The following MYMX variants were observed in gnomAD, a reference collection of about 807,000 sequenced individuals.
The protein encoded by MYMX is myomixer, myoblast fusion factor.
At chr6:44,192,853 A>C in the MYMX span, among the ~76,000 whole-genome samples, 47 of 152,110 alleles carry the variant, frequency 3.1e-4, no homozygotes, top group Admixed American at 5.9e-4. Context: ...TACTGACCAT[A>C]TCTTGAGAGC....
the MYMX span, among the ~76,000 whole-genome samples, chr6:44,200,581 C>T: frequency 6.6e-5 from 10 of 152,172 alleles, no homozygotes; most frequent in African/African-American, 2.2e-4. Context: ...TCCCAAAGTG[C>T]TGGGATTACA....
chr6:44,205,436 A>G, the MYMX span, among the ~76,000 whole-genome samples: 1 of 152,100 alleles, frequency 6.6e-6, no homozygotes, highest in African/African-American at 2.4e-5. Context: ...AGGATGGTGG[A>G]TCGCTTGAAC....
chr6:44,207,432 C>T, the MYMX span, among the ~76,000 whole-genome samples: 1 of 152,210 alleles, frequency 6.6e-6, no homozygotes, highest in East Asian at 1.9e-4. Flanking sequence ...AGCCACCGTG[C>T]CTGGTGGTCT....
At chr6:44,211,243 G>A in the MYMX span, among the ~76,000 whole-genome samples, 2 of 152,148 alleles carry the variant, frequency 1.3e-5, no homozygotes, top group African/African-American at 4.8e-5. Flanking sequence ...TAGAAATTAA[G>A]GTTACTAAGG....
the MYMX span, among the ~76,000 whole-genome samples, chr6:44,208,637 C>T: frequency 2.0e-5 from 3 of 152,350 alleles, no homozygotes; most frequent in South Asian, 4.1e-4. Flanking sequence ...CCTGTTTTAA[C>T]TTCCCTTTCC....
chr6:44,200,607 G>A, the MYMX span, among the ~76,000 whole-genome samples: 1 of 152,142 alleles, frequency 6.6e-6, no homozygotes, highest in African/African-American at 2.4e-5. Context: ...GAGCCATCGC[G>A]CCTGGCCATC....
chr6:44,213,254 C>T (rs1775691765), upstream of MYMX, among the ~76,000 whole-genome samples: 1 of 151,198 alleles, frequency 6.6e-6, no homozygotes, highest in East Asian at 2.0e-4. Flanking sequence ...GGCGTGGTGG[C>T]GCATGCCTGT....
At chr6:44,194,800 A>G in the MYMX span, among the ~76,000 whole-genome samples, 1 of 152,100 alleles carries the variant, frequency 6.6e-6, no homozygotes, top group Non-Finnish European at 1.5e-5. Flanking sequence ...AAAGGGAGGG[A>G]AAAAGATGGA....
the MYMX span, among the ~76,000 whole-genome samples, chr6:44,208,398 G>C: frequency 6.6e-6 from 1 of 152,108 alleles, no homozygotes; most frequent in African/African-American, 2.4e-5. Context: ...CAAGAACACA[G>C]AAATCAGTTA....
At chr6:44,212,490 G>A (rs1417323692), upstream of MYMX, among the ~76,000 whole-genome samples, 1 of 151,406 alleles carries the variant, frequency 6.6e-6, no homozygotes, top group Non-Finnish European at 1.5e-5. Flanking sequence ...AATATTTGAG[G>A]TGATATATAA....
the MYMX span, among the ~76,000 whole-genome samples, chr6:44,204,621 T>C: frequency 6.6e-6 from 1 of 152,194 alleles, no homozygotes; most frequent in African/African-American, 2.4e-5. Flanking sequence ...GGAAGAGATT[T>C]ACTCCAGACA....
chr6:44,201,108 C>T, the MYMX span, among the ~76,000 whole-genome samples: 1 of 152,158 alleles, frequency 6.6e-6, no homozygotes, highest in Non-Finnish European at 1.5e-5. Context: ...TCTATCATTG[C>T]CTGGAATTGG....
chr6:44,198,324 C>A, the MYMX span, among the ~76,000 whole-genome samples: 3 of 150,746 alleles, frequency 2.0e-5, no homozygotes, highest in Non-Finnish European at 4.4e-5. Context: ...CACTACCACG[C>A]CCGGCTAATT....
chr6:44,216,310 G>A (rs1775859683), upstream of MYMX, among the ~76,000 whole-genome samples: 2 of 152,230 alleles, frequency 1.3e-5, no homozygotes, highest in Admixed American at 6.5e-5. Flanking sequence ...CAGCGGAGAG[G>A]ACTGGAGCCC....
At chr6:44,203,397 G>A in the MYMX span, among the ~76,000 whole-genome samples, 2 of 152,282 alleles carry the variant, frequency 1.3e-5, no homozygotes, top group Non-Finnish European at 2.9e-5. Flanking sequence ...GATAAGCCTG[G>A]GAAAAAGAGA....
chr6:44,202,248 G>A, the MYMX span, among the ~76,000 whole-genome samples: 1 of 152,096 alleles, frequency 6.6e-6, no homozygotes, highest in Non-Finnish European at 1.5e-5. Context: ...CTTTCACACA[G>A]TTGGCACACA....
upstream of MYMX, among the ~76,000 whole-genome samples, chr6:44,215,759 G>A (rs547751063): frequency 2.0e-3 from 300 of 151,820 alleles, no homozygotes; most frequent in African/African-American, 5.8e-3. Context: ...GCCGGGCATC[G>A]TGGCGGGTGC....
At chr6:44,204,883 TC>T in the MYMX span, among the ~76,000 whole-genome samples, 21 of 152,194 alleles carry the variant, frequency 1.4e-4, no homozygotes, top group Non-Finnish European at 2.9e-4. Flanking sequence ...TCAATTTAAT[TC>T]ATAGACCTGC....
chr6:44,210,989 G>A, the MYMX span, among the ~76,000 whole-genome samples: 2 of 152,118 alleles, frequency 1.3e-5, no homozygotes, highest in Admixed American at 1.3e-4. Context: ...GCAAGACCCC[G>A]TAGTAGTACT....
Sources: gnomAD v4.1 joint callset for allele counts (sites outside exome capture counted in the v4.1 genomes callset) on GRCh38, gnomAD v4.1.1 for gene constraint, MANE v1.5 for transcripts, NCBI Gene and HGNC (gene_info 2026-07-23, HGNC 2026-07-21) for gene names.